Variants in KCNIP1 observed in about 807,000 individuals in gnomAD.
KCNIP1 encodes the protein potassium voltage-gated channel interacting protein 1, also known as A-type potassium channel modulatory protein KCNIP1.
In KCNIP1, 18 loss-of-function variants were observed where a neutral mutation model predicts 33.0. That is an observed-to-expected ratio of 0.55 (90% CI 0.38 to 0.81). The LOEUF (loss-of-function observed/expected upper bound fraction) is 0.81. Ranked by LOEUF, KCNIP1 falls within the 30% of genes least tolerant of loss-of-function variation. The pLI, the probability that KCNIP1 is intolerant of heterozygous loss-of-function variation, is 0.00. For synonymous variants in KCNIP1, 93 were observed against 98.3 expected, an observed-to-expected ratio of 0.95 and a Z score of 0.32; for missense variants, 238 against 271.6, an observed-to-expected ratio of 0.88 and a Z score of 0.87.
intron 1 of KCNIP1, among the ~76,000 whole-genome samples, chr5:170,407,412 T>C (rs1485963356): frequency 6.6e-6 from 1 of 152,240 alleles, no homozygotes; most frequent in Non-Finnish European, 1.5e-5. Context: ...GCTGATACTT[T>C]TATTTCCTTC....
intron 1 of KCNIP1, among the ~76,000 whole-genome samples, chr5:170,368,953 T>C (rs545041156): frequency 6.6e-6 from 1 of 152,158 alleles, no homozygotes; most frequent in African/African-American, 2.4e-5. Context: ...CAAATTCGCA[T>C]GTGCACAGAG....
intron 1 of KCNIP1, among the ~76,000 whole-genome samples, chr5:170,402,346 T>C (rs1230813627): frequency 6.6e-6 from 1 of 151,968 alleles, no homozygotes; most frequent in Non-Finnish European, 1.5e-5. Context: ...GAGAGGGAGG[T>C]GAATTAGCCA....
At chr5:170,644,369 T>C (rs1760703138) in intron 1 of KCNIP1, among the ~76,000 whole-genome samples, 1 of 152,196 alleles carries the variant, frequency 6.6e-6, no homozygotes, top group South Asian at 2.1e-4. Flanking sequence ...TGTTGATATC[T>C]GTAGGCATCA....
Position 170,735,800 on chromosome 5 carries a change from C to T in KCNIP1, c.645C>T (p.Val215=). The part of the protein sequence containing the change: ...IMRSLQLFQN[V]M ...GGTCTCTCCAGCTGTTTCAAAATGTCATGTAACTGGTGACACTCAGCCATT... is the reference window on the plus strand; with the variant it reads ...GGTCTCTCCAGCTGTTTCAAAATGTTATGTAACTGGTGACACTCAGCCATT... The change falls in exon 8 of 8, where the codon GTC becomes GTT. Residue 215 remains valine, a synonymous_variant. Coordinates refer to ENST00000328939, the MANE Select transcript of KCNIP1 (RefSeq NM_014592.4). The T allele has an allele frequency of 1.9e-6, 3 of 1,613,872 alleles. No homozygotes were observed. The highest frequency in any genetic ancestry group is 1.3e-5 in the African/African-American group (1 of 75,024).
chr5:170,673,741 T>C (rs1177111133), intron 1 of KCNIP1, among the ~76,000 whole-genome samples: 6 of 152,144 alleles, frequency 3.9e-5, no homozygotes, highest in African/African-American at 1.4e-4. Flanking sequence ...CAGGGAGATA[T>C]AACATCTATG....
intron 1 of KCNIP1, among the ~76,000 whole-genome samples, chr5:170,434,823 C>T (rs1198716513): frequency 6.6e-6 from 1 of 152,174 alleles, no homozygotes; most frequent in Admixed American, 6.5e-5. Context: ...GGCGTGGTGG[C>T]ACGAGCCTGT....
intron 1 of KCNIP1, among the ~76,000 whole-genome samples, chr5:170,702,424 T>C (rs770932009): frequency 6.6e-6 from 1 of 152,184 alleles, no homozygotes; most frequent in Non-Finnish European, 1.5e-5. Flanking sequence ...TACAACTTGT[T>C]GCCCAGAGTG....
intron 1 of KCNIP1, among the ~76,000 whole-genome samples, chr5:170,465,790 G>A (rs1000384361): frequency 6.6e-6 from 1 of 152,178 alleles, no homozygotes; most frequent in Non-Finnish European, 1.5e-5. Context: ...AGCAGGTGTT[G>A]GGGGAAGGTC....
chr5:170,563,765 C>G (rs1757115090), intron 1 of KCNIP1, among the ~76,000 whole-genome samples: 1 of 152,186 alleles, frequency 6.6e-6, no homozygotes, highest in Non-Finnish European at 1.5e-5. Context: ...CTCAGCCTCC[C>G]AAGTAGCTTG....
At chr5:170,712,981 T>C (rs1046929718) in intron 1 of KCNIP1, 3 of 975,986 alleles carry the variant, frequency 3.1e-6, no homozygotes, top group South Asian at 2.6e-5. Flanking sequence ...AGTCTTCTCA[T>C]GCACCAGCTT....
intron 1 of KCNIP1, among the ~76,000 whole-genome samples, chr5:170,556,832 C>T (rs559380502): frequency 6.6e-6 from 1 of 152,368 alleles, no homozygotes; most frequent in Non-Finnish European, 1.5e-5. Context: ...TCTAGACCCT[C>T]ATTCTGCAGT....
chr5:170,608,330 A>G (rs1321674415), intron 1 of KCNIP1, among the ~76,000 whole-genome samples: 1 of 152,212 alleles, frequency 6.6e-6, no homozygotes, highest in Non-Finnish European at 1.5e-5. Flanking sequence ...GCTTCATGTC[A>G]TAGTATTGTA....
intron 1 of KCNIP1, among the ~76,000 whole-genome samples, chr5:170,395,350 G>A (rs1043117704): frequency 6.6e-6 from 1 of 152,180 alleles, no homozygotes; most frequent in African/African-American, 2.4e-5. Context: ...GATGATTAGT[G>A]ATGCTGAGCA....
Position 170,578,640 on chromosome 5 carries a change from T to C in KCNIP1, c.61+74007T>C, listed in dbSNP as rs116140559. On this transcript the variant is annotated intron_variant, in intron 1 of 7. Transcript: ENST00000328939. Reference sequence around the variant, plus strand: ...GTGGTGCAGGCTACATTCCAGGCGATAAGGACCAAGCAATGAAATAACAAA... The same window carrying C: ...GTGGTGCAGGCTACATTCCAGGCGACAAGGACCAAGCAATGAAATAACAAA... Among the ~76,000 whole-genome samples, 1,419 of 152,160 alleles carry C rather than the reference T, an allele frequency of 9.3e-3. 25 individuals carry two copies. The highest frequency in any genetic ancestry group is 0.031 in the African/African-American group (1,302 of 41,502).
At chr5:170,509,539 C>T (rs1754853024) in intron 1 of KCNIP1, among the ~76,000 whole-genome samples, 1 of 152,068 alleles carries the variant, frequency 6.6e-6, no homozygotes, top group Admixed American at 6.5e-5. Context: ...TATGCTTTAA[C>T]AAATAAGTGA....
chr5:170,418,736 C>G (rs1031868393), intron 1 of KCNIP1, among the ~76,000 whole-genome samples: 1 of 152,186 alleles, frequency 6.6e-6, no homozygotes, highest in Non-Finnish European at 1.5e-5. Context: ...TACAAAAAGC[C>G]CGTCCCACCT....
chr5:170,561,885 G>A (rs1757045753), intron 1 of KCNIP1, among the ~76,000 whole-genome samples: 1 of 152,138 alleles, frequency 6.6e-6, no homozygotes, highest in African/African-American at 2.4e-5. Flanking sequence ...GAAACCCATT[G>A]TAAATCAAAA....
At chr5:170,674,299 C>T (rs923695072) in intron 1 of KCNIP1, among the ~76,000 whole-genome samples, 1 of 151,976 alleles carries the variant, frequency 6.6e-6, no homozygotes, top group African/African-American at 2.4e-5. Flanking sequence ...AAATTCTGAT[C>T]CCTTCTAGAC....
At chr5:170,664,164 A>G (rs1414522795) in intron 1 of KCNIP1, among the ~76,000 whole-genome samples, 1 of 152,078 alleles carries the variant, frequency 6.6e-6, no homozygotes, top group Non-Finnish European at 1.5e-5. Context: ...TGTTCTGGCC[A>G]TCAAACCAAT....
Sources: gnomAD v4.1 joint callset for allele counts (sites outside exome capture counted in the v4.1 genomes callset) on GRCh38, gnomAD v4.1.1 for gene constraint, MANE v1.5 for transcripts, NCBI Gene and HGNC (gene_info 2026-07-23, HGNC 2026-07-21) for gene names.